The following PALM2AKAP2 variants were observed in gnomAD, a reference collection of about 807,000 sequenced individuals.
PALM2AKAP2 encodes PALM2 and AKAP2 fusion.
Under a neutral mutation model 71.5 loss-of-function variants are expected in PALM2AKAP2, and 37 were observed. The observed-to-expected ratio is 0.52, with a 90% CI of 0.40 to 0.68. The LOEUF (loss-of-function observed/expected upper bound fraction) is 0.68, where lower values mean the gene tolerates loss of function less well. Ranked by LOEUF, PALM2AKAP2 falls within the 30% of genes least tolerant of loss-of-function variation. PALM2AKAP2 has a pLI of 0.00. For missense variants in PALM2AKAP2, 1,224 were observed against 1,191.8 expected (o/e 1.03, Z -0.40); for synonymous variants, 468 against 478.8 (o/e 0.98, Z 0.29).
chr9:109,753,377 G>A (rs556015261), intron 1 of PALM2AKAP2, among the ~76,000 whole-genome samples: 1 of 152,194 alleles, frequency 6.6e-6, no homozygotes, highest in Admixed American at 6.5e-5. Flanking sequence ...GGAAAAAGAG[G>A]GTGCCTCCTT....
At chr9:109,870,076 T>G (rs1163679342) in intron 2 of PALM2AKAP2, among the ~76,000 whole-genome samples, 2 of 152,026 alleles carry the variant, frequency 1.3e-5, no homozygotes, top group Non-Finnish European at 2.9e-5. Context: ...CTTTGGGAGG[T>G]CCTGAATTTC....
At chr9:110,055,348 A>G (rs1358314150) in intron 1 of PALM2AKAP2, among the ~76,000 whole-genome samples, 1 of 152,080 alleles carries the variant, frequency 6.6e-6, no homozygotes, top group Non-Finnish European at 1.5e-5. Flanking sequence ...GGCGTGTGCC[A>G]CTGTGCCCGG....
In PALM2AKAP2 at chr9:109,866,785, G is replaced by A. The variant is rs184419682; in HGVS notation, c.46-706G>A. ...ATGTACGAGAAGACCAAGACCCAGG[G>A]AGGTAGAAGAACTTGTCAGAAGTCA... On this transcript the variant is annotated intron_variant, in intron 1 of 9. Coordinates refer to the PALM2AKAP2 transcript ENST00000302798. 5.3e-5 allele frequency among the ~76,000 whole-genome samples: 8 copies of A among 152,250 alleles called. No homozygotes were observed. The East Asian group carries it at 1.5e-3, about 29-fold the overall frequency.
intron 5 of PALM2AKAP2, among the ~76,000 whole-genome samples, chr9:109,926,410 T>C (rs964581556): frequency 6.6e-6 from 1 of 152,172 alleles, no homozygotes; most frequent in Non-Finnish European, 1.5e-5. Context: ...GCAAGGACTC[T>C]AGGAAAAGCG....
chr9:109,973,207 C>T (rs1165002489), intron 6 of PALM2AKAP2, among the ~76,000 whole-genome samples: 2 of 152,230 alleles, frequency 1.3e-5, no homozygotes, highest in East Asian at 3.8e-4. Flanking sequence ...AGCACTGGAG[C>T]AGTTGATCTG....
At chr9:109,774,287 C>A (rs558031264) in intron 1 of PALM2AKAP2, among the ~76,000 whole-genome samples, 7 of 152,272 alleles carry the variant, frequency 4.6e-5, no homozygotes, top group African/African-American at 1.7e-4. Flanking sequence ...TGGAGTAGAA[C>A]CTGGCCTTCC....
At chr9:110,148,050 TA>T (rs777865463) in intron 2 of PALM2AKAP2, among the ~76,000 whole-genome samples, 1 of 152,170 alleles carries the variant, frequency 6.6e-6, no homozygotes, top group East Asian at 1.9e-4. Flanking sequence ...TGTATTACCA[TA>T]AAAATGTTTT....
At chr9:109,912,374 C>T (rs978420150) in intron 3 of PALM2AKAP2, among the ~76,000 whole-genome samples, 1 of 151,924 alleles carries the variant, frequency 6.6e-6, no homozygotes, top group Non-Finnish European at 1.5e-5. Context: ...AAGGAAGGCC[C>T]TGTTCTTTCA....
At chr9:109,963,143 G>A (rs1483035880) in intron 6 of PALM2AKAP2, among the ~76,000 whole-genome samples, 4 of 152,142 alleles carry the variant, frequency 2.6e-5, no homozygotes, top group Non-Finnish European at 5.9e-5. Context: ...GCAAGGAGAA[G>A]ACCCAGGGGA....
At chr9:109,893,488 G>A (rs557521964) in intron 3 of PALM2AKAP2, among the ~76,000 whole-genome samples, 1 of 152,198 alleles carries the variant, frequency 6.6e-6, no homozygotes, top group Non-Finnish European at 1.5e-5. Flanking sequence ...CTGTCGCCCA[G>A]GCTGAAATGC....
chr9:109,972,682 C>T (rs1016126901), intron 6 of PALM2AKAP2, among the ~76,000 whole-genome samples: 46 of 152,156 alleles, frequency 3.0e-4, no homozygotes, highest in African/African-American at 9.9e-4. Flanking sequence ...GCATATGACC[C>T]CACCACCAGT....
intron 1 of PALM2AKAP2, among the ~76,000 whole-genome samples, chr9:110,051,387 T>A (rs921743614): frequency 6.6e-6 from 1 of 152,234 alleles, no homozygotes; most frequent in Non-Finnish European, 1.5e-5. Flanking sequence ...CTTATAGAAC[T>A]AACATTAAAT....
intron 1 of PALM2AKAP2, among the ~76,000 whole-genome samples, chr9:109,861,558 A>G (rs1829310219): frequency 6.6e-6 from 1 of 152,174 alleles, no homozygotes; most frequent in African/African-American, 2.4e-5. Context: ...CAGATAGTGG[A>G]GGAATCTGGA....
intron 1 of PALM2AKAP2, among the ~76,000 whole-genome samples, chr9:110,135,164 A>AAAAAAATATATATATATATATATATAT: frequency 3.9e-5 from 2 of 51,710 alleles, no homozygotes; most frequent in African/African-American, 7.3e-5. Flanking sequence ...AAAAAAAAAA[A>AAAAAAATATATATATATATATATATAT]ATATATAAAT....
intron 2 of PALM2AKAP2, among the ~76,000 whole-genome samples, chr9:110,153,304 T>G (rs1836368806): frequency 1.3e-5 from 2 of 152,210 alleles, no homozygotes; most frequent in African/African-American, 4.8e-5. Flanking sequence ...TGTCACTGTC[T>G]TATGTAACTT....
intron 1 of PALM2AKAP2, among the ~76,000 whole-genome samples, chr9:109,723,569 G>A (rs1336412775): frequency 6.6e-6 from 1 of 152,180 alleles, no homozygotes; most frequent in Non-Finnish European, 1.5e-5. Context: ...TGGAAGACCC[G>A]AGAGGGCTGC....
intron 3 of PALM2AKAP2, among the ~76,000 whole-genome samples, chr9:109,918,647 G>A (rs975836997): frequency 1.4e-4 from 22 of 152,210 alleles, no homozygotes; most frequent in Admixed American, 1.2e-3. Flanking sequence ...CAGCCTGGCT[G>A]GGATGACTGT....
intron 3 of PALM2AKAP2, among the ~76,000 whole-genome samples, chr9:109,887,975 A>C (rs1181061719): frequency 6.6e-6 from 1 of 152,020 alleles, no homozygotes; most frequent in African/African-American, 2.4e-5. Flanking sequence ...ACGCACCATG[A>C]CTCTGGAGGT....
Position 109,968,609 on chromosome 9 carries a change from C to A in PALM2AKAP2, c.496+36581C>A, listed in dbSNP as rs541927600. On this transcript the variant is annotated intron_variant, in intron 6 of 9. Transcript: ENST00000302798. ...GGGAAACCTGGGTTTCTGAAAGAGGCCCTGATTTTGTGTTAGCCTTCAGCA... is the reference window on the plus strand; with the variant it reads ...GGGAAACCTGGGTTTCTGAAAGAGGACCTGATTTTGTGTTAGCCTTCAGCA... Among the ~76,000 whole-genome samples the A allele has an allele frequency of 7.2e-5, 11 of 152,240 alleles. 1 individual carries two copies. In the South Asian group the frequency reaches 2.3e-3, roughly 32 times the overall value.
Sources: gnomAD v4.1 joint callset for allele counts (sites outside exome capture counted in the v4.1 genomes callset) on GRCh38, gnomAD v4.1.1 for gene constraint, MANE v1.5 for transcripts, NCBI Gene and HGNC (gene_info 2026-07-23, HGNC 2026-07-21) for gene names.